The following ZC3H7B variants were observed in gnomAD, a reference collection of about 807,000 sequenced individuals.
The protein encoded by ZC3H7B is zinc finger CCCH domain-containing protein 7B.
ZC3H7B carries 35 observed loss-of-function variants against 116.0 expected under a neutral mutation model. That is an observed-to-expected ratio of 0.30 (90% confidence interval 0.23 to 0.40). The LOEUF (loss-of-function observed/expected upper bound fraction) is 0.40. Ranked by LOEUF, ZC3H7B falls within the 10% of genes least tolerant of loss-of-function variation. The probability of loss-of-function intolerance (pLI) is 1.00; values close to 1 mark genes in which losing one functional copy is unlikely to be tolerated. For missense variants in ZC3H7B, 1,011 were observed against 1,321.5 expected, an observed-to-expected ratio of 0.77 and a Z score of 3.64; for synonymous variants, 502 against 545.6, an observed-to-expected ratio of 0.92 and a Z score of 1.11.
At position 41,330,045 on chromosome 22, in the gene ZC3H7B, G is replaced by A; in HGVS notation, c.467G>A (p.Gly156Asp). Residue 156 changes from glycine to aspartate, a missense_variant, in exon 6 of 23, where the codon GGT becomes GAT. Around this residue, in one of 5 missense-constraint regions of ZC3H7B, gnomAD observed 322 missense variants for 443.9 expected, o/e 0.73. Coordinates refer to ENST00000352645, the MANE Select transcript of ZC3H7B (RefSeq NM_017590.6). ...LPHDESVTQL[G>D]QELAQKLGLR... ...CAGGATGAAAGCGTGACTCAGCTTG[G>A]TCAGGAGCTGGCCCAGAAACTGGGG... 1 of 1,613,904 alleles carries A rather than the reference G, an allele frequency of 6.2e-7. No homozygotes were observed. Among genetic ancestry groups the A allele is most frequent in the Non-Finnish European group, 8.5e-7 (1 of 1,180,010 alleles).
intron 13 of ZC3H7B, 55 bp downstream of exon 13, chr22:41,343,631 C>G: frequency 6.7e-7 from 1 of 1,502,680 alleles, no homozygotes. Context: ...CCCTCCACCC[C>G]CAGCCGCTGC....
Position 41,325,696 on chromosome 22 carries a change from C to G in ZC3H7B, c.88-25C>G, listed in dbSNP as rs762605865. 1.9e-6 allele frequency: 3 copies of G among 1,609,142 alleles called. No individual in the cohort carries two copies. In the South Asian group the frequency reaches 3.3e-5, roughly 18 times the overall value. ...AGAGCTGGGGCCAGAGGTCATGAGC[C>G]CCCTACACACCTTGCCCCCAACAGG... is the stretch of plus-strand genomic sequence containing the variant. On this transcript the variant is annotated intron_variant, in intron 3 of 22. Coordinates refer to ENST00000352645, the MANE Select transcript of ZC3H7B (RefSeq NM_017590.6).
chr22:41,359,309 G>A lies in ZC3H7B; in HGVS notation c.*1880G>A, dbSNP rs572964954. 6.6e-5 allele frequency: 10 copies of A among 152,548 alleles called. No individual in the cohort carries two copies. Among genetic ancestry groups the A allele is most frequent in the Admixed American group, 2.0e-4 (3 of 15,298 alleles). The allele number at this position is 152,548 out of a possible 1,614,324, so 9.4% of individuals were successfully genotyped here. A position where few individuals can be genotyped will look rare whatever the true frequency, so the allele number is the denominator to read the frequency against. ...TATATACACAGGTATTAAATATATCGCTCTATATAATATTATATATGTGTG... is the reference window on the plus strand; with the variant it reads ...TATATACACAGGTATTAAATATATCACTCTATATAATATTATATATGTGTG... On this transcript the variant is annotated 3_prime_UTR_variant, in exon 23 of 23. Transcript: ENST00000352645.
rs748170999 is a variant in ZC3H7B at position 41,359,648 on chromosome 22, G to A, written c.*2219G>A. 2 of 152,282 alleles carry A rather than the reference G, an allele frequency of 1.3e-5. No homozygotes were observed. The highest frequency in any genetic ancestry group is 2.9e-5 in the Non-Finnish European group (2 of 68,082). 9.4% of individuals were successfully genotyped at this position (152,282 alleles called of 1,614,324 possible). ...TTCAAGTCCAGAGTTTTCATCTTCA[G>A]CCTGTGATCTGTCCAGGGACCCTTG... On this transcript the variant is annotated 3_prime_UTR_variant, in exon 23 of 23. Transcript: ENST00000352645.
At chr22:41,331,727 C>G (rs560118091) in intron 6 of ZC3H7B, among the ~76,000 whole-genome samples, 6 of 151,886 alleles carry the variant, frequency 4.0e-5, no homozygotes, top group Non-Finnish European at 4.4e-5. Context: ...AAAAATTAGC[C>G]TGGTGTGGTG....
At chr22:41,320,410 G>A (rs2036239959) in intron 1 of ZC3H7B, among the ~76,000 whole-genome samples, 1 of 152,024 alleles carries the variant, frequency 6.6e-6, no homozygotes, top group Non-Finnish European at 1.5e-5. Flanking sequence ...GTGTGGGAAA[G>A]GGCAGGTGCC....
intron 2 of ZC3H7B, among the ~76,000 whole-genome samples, chr22:41,321,172 A>G (rs984839608): frequency 6.0e-4 from 89 of 149,324 alleles, no homozygotes; most frequent in African/African-American, 2.1e-3. Context: ...TCCACCTCCC[A>G]TGTAGCTGGG....
chr22:41,314,854 C>T (rs2036160769), intron 1 of ZC3H7B, among the ~76,000 whole-genome samples: 2 of 149,318 alleles, frequency 1.3e-5, no homozygotes, highest in South Asian at 4.3e-4. Flanking sequence ...GTGATCTGCC[C>T]GCATCGGCCT....
At chr22:41,326,261 C>G (rs906536961) in intron 4 of ZC3H7B, among the ~76,000 whole-genome samples, 1 of 152,190 alleles carries the variant, frequency 6.6e-6, no homozygotes, top group Non-Finnish European at 1.5e-5. Context: ...CCCGGCCCCA[C>G]TGTTTCTTCC....
intron 1 of ZC3H7B, among the ~76,000 whole-genome samples, chr22:41,309,582 T>C (rs1335610646): frequency 1.3e-5 from 2 of 152,198 alleles, no homozygotes; most frequent in African/African-American, 4.8e-5. Flanking sequence ...CCCAAAGTGC[T>C]GGGATTACAG....
chr22:41,305,117 C>T (rs1345231829), intron 1 of ZC3H7B, among the ~76,000 whole-genome samples: 13 of 152,060 alleles, frequency 8.5e-5, no homozygotes, highest in East Asian at 1.9e-4. Context: ...GACGCCGGGG[C>T]GGGTGGATCA....
At chr22:41,356,939 C>T (rs2036728847) in intron 22 of ZC3H7B, 131 bp downstream of exon 22, 10 of 1,332,668 alleles carry the variant, frequency 7.5e-6, no homozygotes, top group South Asian at 1.3e-5. Context: ...TGACTGCAGC[C>T]ATGGGGGTGG....
intron 1 of ZC3H7B, among the ~76,000 whole-genome samples, chr22:41,319,124 G>A (rs946096376): frequency 2.0e-5 from 3 of 152,074 alleles, no homozygotes; most frequent in African/African-American, 4.8e-5. Context: ...CAAAAAGGCT[G>A]GGCACAGTGG....
intron 11 of ZC3H7B, 33 bp from the exon 12 acceptor site, chr22:41,342,496 G>T (rs774702734): frequency 6.2e-7 from 1 of 1,606,452 alleles, no homozygotes. Context: ...CCATCATCCA[G>T]TGCCCACAAT....
At chr22:41,313,243 C>G (rs1297201066) in intron 1 of ZC3H7B, among the ~76,000 whole-genome samples, 1 of 152,018 alleles carries the variant, frequency 6.6e-6, no homozygotes, top group Non-Finnish European at 1.5e-5. Context: ...CTCAGCCTCC[C>G]TAGTAGCTGG....
chr22:41,355,936 C>T lies in ZC3H7B; in HGVS notation c.2275-18C>T, dbSNP rs780972402. 2 of 1,598,038 alleles carry T rather than the reference C, an allele frequency of 1.3e-6. No homozygotes were observed. The highest frequency in any genetic ancestry group is 1.1e-5 in the South Asian group (1 of 88,312). ...TTTCCAGCGGGACTCAGAGGATCTC[C>T]CCACGCCCACCCCACAGCTCTGCAT... is the stretch of plus-strand genomic sequence containing the variant. On this transcript the variant is annotated intron_variant, in intron 19 of 22. Transcript: ENST00000352645.
chr22:41,338,014 C>T lies in ZC3H7B; in HGVS notation c.583-299C>T, dbSNP rs910435495. On this transcript the variant is annotated intron_variant, in intron 7 of 22. Transcript: ENST00000352645. This position sits in a 1 kb window ranked among gnomAD's most constrained non-coding sequence, Gnocchi z 4.5. ...TCCCAAGTAGCTGGGGTTACAGGCTCCTGCCACCATGCCCGACTAATTTTT... is the reference window on the plus strand; with the variant it reads ...TCCCAAGTAGCTGGGGTTACAGGCTTCTGCCACCATGCCCGACTAATTTTT... Among the ~76,000 whole-genome samples the T allele has an allele frequency of 6.6e-6, 1 of 152,100 alleles. No individual in the cohort carries two copies. The highest frequency in any genetic ancestry group is 2.4e-5 in the African/African-American group (1 of 41,404).
Position 41,330,177 on chromosome 22 carries a change from G to T in ZC3H7B, c.525+74G>T, listed in dbSNP as rs2036364451. ...CTGAAGGGAGGGACCAGGCTCCGTGGGGAAGGTGGGTGAGGGTGGCCAGGG... is the reference window on the plus strand; with the variant it reads ...CTGAAGGGAGGGACCAGGCTCCGTGTGGAAGGTGGGTGAGGGTGGCCAGGG... On this transcript the variant is annotated intron_variant, in intron 6 of 22. Transcript: ENST00000352645. 34 of 1,528,932 alleles carry T rather than the reference G, an allele frequency of 2.2e-5. No individual in the cohort carries two copies. The East Asian group carries it at 7.3e-4, about 33-fold the overall frequency. The allele number at this position is 1,528,932 out of a possible 1,614,324, so 94.7% of individuals were successfully genotyped here. A position where few individuals can be genotyped will look rare whatever the true frequency, so the allele number is the denominator to read the frequency against.
At chr22:41,309,166 C>T (rs1306345840) in intron 1 of ZC3H7B, among the ~76,000 whole-genome samples, 2 of 151,464 alleles carry the variant, frequency 1.3e-5, no homozygotes, top group African/African-American at 2.4e-5. Flanking sequence ...CGTGCGCCAC[C>T]ATGCCCGGCT....
Sources: gnomAD v4.1 joint callset for allele counts (sites outside exome capture counted in the v4.1 genomes callset) on GRCh38, gnomAD v4.1.1 for gene constraint, gnomAD v4.1.1 regional missense constraint, Gnocchi (gnomAD v3.1) non-coding constraint, MANE v1.5 for transcripts, NCBI Gene and HGNC (gene_info 2026-07-23, HGNC 2026-07-21) for gene names.